Variants in MICAL3 observed in about 807,000 individuals in gnomAD.
MICAL3 encodes [F-actin]-monooxygenase MICAL3.
A neutral mutation model predicts 207.4 loss-of-function variants in MICAL3; 62 were observed. That is an observed-to-expected ratio of 0.30 (90% CI 0.24 to 0.37). The LOEUF is 0.37. MICAL3 is among the 10% of genes least tolerant of loss of function. The probability of loss-of-function intolerance (pLI) is 1.00; values close to 1 mark genes in which losing one functional copy is unlikely to be tolerated. For synonymous variants in MICAL3, 1,077 were observed against 1,069.3 expected, an observed-to-expected ratio of 1.01 and a Z score of -0.14; for missense variants, 2,368 against 2,635.6, an observed-to-expected ratio of 0.90 and a Z score of 2.22.
intron 1 of MICAL3, among the ~76,000 whole-genome samples, chr22:17,965,323 C>G (rs1386443688): frequency 6.6e-6 from 1 of 152,162 alleles, no homozygotes; most frequent in Admixed American, 6.5e-5. Flanking sequence ...GACCCTGGAA[C>G]TGGCACAAGG....
At chr22:17,804,361 T>C (rs2061969109) in intron 29 of MICAL3, among the ~76,000 whole-genome samples, 1 of 152,194 alleles carries the variant, frequency 6.6e-6, no homozygotes, top group African/African-American at 2.4e-5. Context: ...CTCCCAGGAA[T>C]TCCCACGACC....
chr22:17,902,927 T>C lies in MICAL3; in HGVS notation c.473-180A>G, dbSNP rs1287542837. On this transcript the variant is annotated intron_variant, in intron 3 of 31. Coordinates refer to ENST00000441493, the MANE Select transcript of MICAL3 (RefSeq NM_015241.3). The surrounding 1 kb of genome is among the most constrained non-coding windows in gnomAD (Gnocchi z 4.5). ...AACTTCTTCCTTTCTTAAAGGCAAA[T>C]ATAACCCAGTGGAAGAGCTGTTCTA... 6.6e-6 allele frequency among the ~76,000 whole-genome samples: 1 copy of C among 152,164 alleles called. No individual in the cohort carries two copies. The highest frequency in any genetic ancestry group is 1.5e-5 in the Non-Finnish European group (1 of 68,038).
intron 1 of MICAL3, among the ~76,000 whole-genome samples, chr22:17,946,373 C>T (rs955998726): frequency 2.0e-5 from 3 of 152,210 alleles, no homozygotes; most frequent in African/African-American, 7.2e-5. Flanking sequence ...ACCAGGACAC[C>T]GCCTGTGTGA....
chr22:17,878,881 C>T lies in MICAL3; in HGVS notation c.2242-6858G>A, dbSNP rs1929150825. 3.9e-5 allele frequency among the ~76,000 whole-genome samples: 6 copies of T among 152,258 alleles called. No individual in the cohort carries two copies. In the South Asian group the frequency reaches 1.2e-3, roughly 32 times the overall value. On this transcript the variant is annotated intron_variant, in intron 16 of 31. Transcript: ENST00000441493. ...TCATTCTCATCCCACTGGAAAAATC[C>T]TCACGCTGGTAAGAGCTTTGGCTCT...
chr22:17,991,858 G>A (rs564747519), intron 1 of MICAL3, among the ~76,000 whole-genome samples: 1 of 152,130 alleles, frequency 6.6e-6, no homozygotes, highest in Non-Finnish European at 1.5e-5. Flanking sequence ...ATGGAGGAAT[G>A]GGGGGCTCGC....
intron 16 of MICAL3, among the ~76,000 whole-genome samples, chr22:17,872,464 G>A (rs190642004): frequency 1.3e-5 from 2 of 152,306 alleles, no homozygotes; most frequent in East Asian, 3.9e-4. Flanking sequence ...GGGGCCCGAG[G>A]GTCCCCAGCT....
rs552284373 is a variant in MICAL3, at chr22:17,880,359, C to T, written c.2241+5519G>A. ...GAGACACAGCTTGAGAAGAACTGAG[C>T]GTGCTTTCCAGGCGACAGCGGACGC... On this transcript the variant is annotated intron_variant, in intron 16 of 31. Transcript: ENST00000441493. 9.2e-5 allele frequency among the ~76,000 whole-genome samples: 14 copies of T among 152,326 alleles called. No homozygotes were observed. In the South Asian group the frequency reaches 2.1e-3, roughly 23 times the overall value.
rs79102550 is a variant in MICAL3, at chr22:17,864,511, C to A, written c.2605+388G>T. Reference sequence around the variant, plus strand: ...GAAGGCCGAGTGGCCTTGGCCTCACCAGGGCGGGTGATGGGAGCAGTGTCT... The same window carrying A: ...GAAGGCCGAGTGGCCTTGGCCTCACAAGGGCGGGTGATGGGAGCAGTGTCT... On this transcript the variant is annotated intron_variant, in intron 19 of 31. Transcript: ENST00000441493. 1.3e-3 allele frequency: 1,844 copies of A among 1,432,536 alleles called. 22 individuals are homozygous for A. The African/African-American group carries it at 0.024, about 18-fold the overall frequency. The allele number at this position is 1,432,536 out of a possible 1,614,324, so 88.7% of individuals were successfully genotyped here.
rs150741846 is a variant in MICAL3, at chr22:17,838,042, C to G, written c.2801+3780G>C. Among the ~76,000 whole-genome samples, 423 of 152,294 alleles carry G rather than the reference C, an allele frequency of 2.8e-3. 4 individuals carry two copies. The highest frequency in any genetic ancestry group is 0.024 in the Middle Eastern group (7 of 294). On this transcript the variant is annotated intron_variant, in intron 20 of 31. Coordinates refer to ENST00000441493, the MANE Select transcript of MICAL3 (RefSeq NM_015241.3). ...CTGATCTTGAACTCCTAGACACAAGCAATCCTCCTGCCTTGGCCTCCCACA... is the reference window on the plus strand; with the variant it reads ...CTGATCTTGAACTCCTAGACACAAGGAATCCTCCTGCCTTGGCCTCCCACA...
At chr22:17,855,672 C>G (rs1407859805) in intron 19 of MICAL3, among the ~76,000 whole-genome samples, 2 of 152,248 alleles carry the variant, frequency 1.3e-5, no homozygotes, top group African/African-American at 4.8e-5. Flanking sequence ...TTGTCATTCT[C>G]TTCCTCCATT....
At chr22:17,954,442 G>A (rs977636751) in intron 1 of MICAL3, among the ~76,000 whole-genome samples, 4 of 152,150 alleles carry the variant, frequency 2.6e-5, no homozygotes, top group South Asian at 2.1e-4. Flanking sequence ...TGCTGAAGAC[G>A]GGCCAGGGTG....
chr22:17,893,779 C>T, intron 11 of MICAL3, 29 bp downstream of exon 11: 5 of 1,495,130 alleles, frequency 3.3e-6, no homozygotes, highest in Non-Finnish European at 4.6e-6. Flanking sequence ...GGGCTGCCTG[C>T]ATTTTAAAAA....
intron 16 of MICAL3, among the ~76,000 whole-genome samples, chr22:17,872,461 G>A (rs1158106313): frequency 5.3e-5 from 8 of 152,188 alleles, no homozygotes; most frequent in Non-Finnish European, 1.2e-4. Flanking sequence ...GAAGGGGCCC[G>A]AGGGTCCCCA....
intron 1 of MICAL3, among the ~76,000 whole-genome samples, chr22:17,964,732 G>C (rs1935067575): frequency 6.6e-6 from 1 of 152,214 alleles, no homozygotes; most frequent in Admixed American, 6.5e-5. Flanking sequence ...TCTGGTACAA[G>C]CCAGTCCTCA....
intron 19 of MICAL3, chr22:17,862,168 C>G (rs1277218952): frequency 1.0e-6 from 1 of 985,022 alleles, no homozygotes; most frequent in African/African-American, 1.7e-5. Flanking sequence ...TGGTCGAGTG[C>G]ACAGTAGAGG....
At chr22:17,912,762 T>C (rs1932223807) in intron 1 of MICAL3, among the ~76,000 whole-genome samples, 1 of 152,234 alleles carries the variant, frequency 6.6e-6, no homozygotes, top group Non-Finnish European at 1.5e-5. Context: ...CATAAGATCA[T>C]ATCATCTACA....
intron 1 of MICAL3, among the ~76,000 whole-genome samples, chr22:17,987,882 G>C (rs1334062985): frequency 6.6e-6 from 1 of 152,202 alleles, no homozygotes. Context: ...CCAGGTAATA[G>C]ATGGGGAGTG....
chr22:17,894,950 G>A (rs9605426), intron 10 of MICAL3, among the ~76,000 whole-genome samples: 6,042 of 152,226 alleles, frequency 0.04, 137 homozygotes, highest in Middle Eastern at 0.058. Context: ...ACACGTGACC[G>A]GCAGCAACAA....
intron 19 of MICAL3, chr22:17,842,621 AG>A (rs1220387305): frequency 1.3e-5 from 2 of 157,206 alleles, no homozygotes; most frequent in African/African-American, 4.8e-5. Context: ...CGCTGCTCAG[AG>A]GAAGGACACC....
Sources: gnomAD v4.1 joint callset for allele counts (sites outside exome capture counted in the v4.1 genomes callset) on GRCh38, gnomAD v4.1.1 for gene constraint, Gnocchi (gnomAD v3.1) non-coding constraint, MANE v1.5 for transcripts, NCBI Gene and HGNC (gene_info 2026-07-23, HGNC 2026-07-21) for gene names.